ACOXL: variants seen among roughly 807,000 people sequenced by gnomAD.
The protein encoded by ACOXL is acyl-coenzyme A oxidase-like protein.
In ACOXL, 70 loss-of-function variants were observed where a neutral mutation model predicts 71.9. The ratio of observed to expected loss-of-function variants is 0.97; its 90% confidence interval spans 0.80 to 1.19. The LOEUF (loss-of-function observed/expected upper bound fraction) is 1.19. ACOXL is among the 50% of genes most tolerant of loss of function. The pLI is 0.00. For missense variants in ACOXL, 703 were observed against 736.3 expected (o/e 0.95, Z 0.52); for synonymous variants, 253 against 281.6 (o/e 0.90, Z 1.02).
chr2:111,020,236 C>T (rs1391326510), intron 14 of ACOXL, among the ~76,000 whole-genome samples: 1 of 152,234 alleles, frequency 6.6e-6, no homozygotes, highest in Admixed American at 6.5e-5. Context: ...GGGCTTCCTT[C>T]ATGTGGTCAT....
At chr2:110,740,961 T>C (rs990314858) in intron 1 of ACOXL, among the ~76,000 whole-genome samples, 3 of 152,224 alleles carry the variant, frequency 2.0e-5, no homozygotes, top group African/African-American at 7.2e-5. Flanking sequence ...AAATACAAGC[T>C]GTTCATGTTG....
chr2:110,856,512 G>A (rs1039514751), intron 10 of ACOXL, among the ~76,000 whole-genome samples: 1 of 152,154 alleles, frequency 6.6e-6, no homozygotes, highest in Admixed American at 6.5e-5. Context: ...GAAAGTTCTC[G>A]ACTTCATAAG....
intron 17 of ACOXL, among the ~76,000 whole-genome samples, chr2:111,105,176 A>C (rs919829474): frequency 2.0e-5 from 3 of 152,012 alleles, no homozygotes; most frequent in African/African-American, 7.2e-5. Flanking sequence ...GCATTTTCCT[A>C]CTTTATCTAT....
chr2:110,737,775 G>A (rs1002251946), intron 1 of ACOXL, among the ~76,000 whole-genome samples: 7 of 152,186 alleles, frequency 4.6e-5, no homozygotes, highest in African/African-American at 1.7e-4. Flanking sequence ...CTTCAGTCCG[G>A]ATGGGCTCTT....
chr2:110,919,616 C>T (rs72944230), intron 11 of ACOXL, among the ~76,000 whole-genome samples: 12,545 of 152,050 alleles, frequency 0.083, 1,172 homozygotes, highest in African/African-American at 0.23. Context: ...GACAAAGACA[C>T]AGAGTTGTTC....
intron 11 of ACOXL, among the ~76,000 whole-genome samples, chr2:110,916,488 A>G (rs1031701346): frequency 1.3e-5 from 2 of 152,184 alleles, no homozygotes; most frequent in African/African-American, 4.8e-5. Context: ...CACTAACATC[A>G]CAATTAAAAG....
At chr2:110,849,048 G>A (rs1692271964) in intron 10 of ACOXL, among the ~76,000 whole-genome samples, 1 of 152,180 alleles carries the variant, frequency 6.6e-6, no homozygotes, top group Non-Finnish European at 1.5e-5. Context: ...CCCTCCAACA[G>A]CCCCCCTTTA....
intron 12 of ACOXL, chr2:110,968,660 G>C (rs754047581): frequency 1.8e-6 from 2 of 1,106,818 alleles, no homozygotes; most frequent in Non-Finnish European, 2.6e-6. Flanking sequence ...CCAGAAGAAA[G>C]ATCAGATAGC....
intron 17 of ACOXL, among the ~76,000 whole-genome samples, chr2:111,109,002 C>T (rs1291566672): frequency 6.6e-6 from 1 of 152,134 alleles, no homozygotes; most frequent in East Asian, 1.9e-4. Context: ...TGTATCGGCT[C>T]AGCCCATCTG....
intron 15 of ACOXL, among the ~76,000 whole-genome samples, chr2:111,045,042 G>A (rs1378187636): frequency 6.6e-6 from 1 of 152,142 alleles, no homozygotes; most frequent in Admixed American, 6.5e-5. Flanking sequence ...TCAGACAGGT[G>A]GAAGCCTCAG....
intron 12 of ACOXL, among the ~76,000 whole-genome samples, chr2:110,944,788 A>G (rs2061033357): frequency 6.6e-6 from 1 of 152,224 alleles, no homozygotes; most frequent in Non-Finnish European, 1.5e-5. Context: ...GCTATTGTAA[A>G]TAGTGCTGCC....
At chr2:110,790,644 C>T (rs1221767952) in intron 3 of ACOXL, among the ~76,000 whole-genome samples, 1 of 152,174 alleles carries the variant, frequency 6.6e-6, no homozygotes, top group African/African-American at 2.4e-5. Context: ...AGCAAATGGT[C>T]CTCTCTGTGT....
chr2:110,950,805 G>T (rs185795401), intron 12 of ACOXL, among the ~76,000 whole-genome samples: 11 of 140,404 alleles, frequency 7.8e-5, no homozygotes, highest in Admixed American at 7.3e-4. Flanking sequence ...GGAAGGGTGG[G>T]GGGTGGAGAG....
intron 1 of ACOXL, among the ~76,000 whole-genome samples, chr2:110,756,354 C>T (rs1364601018): frequency 6.6e-6 from 1 of 152,172 alleles, no homozygotes; most frequent in Non-Finnish European, 1.5e-5. Flanking sequence ...GTCTCAAACT[C>T]CTGACCTCAG....
chr2:110,879,076 A>G (rs1696297683), intron 10 of ACOXL, among the ~76,000 whole-genome samples: 1 of 152,046 alleles, frequency 6.6e-6, no homozygotes, highest in African/African-American at 2.4e-5. Flanking sequence ...AAAAGTCAAA[A>G]CAAAACAAAA....
intron 10 of ACOXL, among the ~76,000 whole-genome samples, chr2:110,896,153 A>C (rs1169007712): frequency 6.6e-6 from 1 of 152,152 alleles, no homozygotes; most frequent in African/African-American, 2.4e-5. Flanking sequence ...TTGAACTGGT[A>C]AAATTCTGCC....
intron 9 of ACOXL, among the ~76,000 whole-genome samples, chr2:110,830,021 G>A (rs533162120): frequency 1.5e-4 from 23 of 152,156 alleles, no homozygotes; most frequent in Admixed American, 2.0e-4. Context: ...TCATGTTTCA[G>A]GCTGGTAAAG....
At chr2:110,777,587 G>A (rs1245943165) in intron 2 of ACOXL, among the ~76,000 whole-genome samples, 1 of 152,218 alleles carries the variant, frequency 6.6e-6, no homozygotes, top group Non-Finnish European at 1.5e-5. Flanking sequence ...AGAGGGATGG[G>A]AGAATTGAAT....
intron 12 of ACOXL, among the ~76,000 whole-genome samples, chr2:110,956,451 G>A (rs571490299): frequency 3.2e-4 from 48 of 152,240 alleles, no homozygotes; most frequent in African/African-American, 1.0e-3. Flanking sequence ...CGGCAGGATG[G>A]GGCAACCTGC....
Sources: gnomAD v4.1 joint callset for allele counts (sites outside exome capture counted in the v4.1 genomes callset) on GRCh38, gnomAD v4.1.1 for gene constraint, MANE v1.5 for transcripts, NCBI Gene and HGNC (gene_info 2026-07-23, HGNC 2026-07-21) for gene names.